The following ASAP1 variants were observed in gnomAD, a reference collection of about 807,000 sequenced individuals.
The protein encoded by ASAP1 is arf-GAP with SH3 domain, ANK repeat and PH domain-containing protein 1.
A neutral mutation model predicts 145.2 loss-of-function variants in ASAP1; 43 were observed. The ratio of observed to expected loss-of-function variants is 0.30; its 90% CI spans 0.23 to 0.38. The LOEUF is 0.38. Ranked by LOEUF, ASAP1 falls within the 10% of genes least tolerant of loss-of-function variation. The pLI, the probability that ASAP1 is intolerant of heterozygous loss-of-function variation, is 1.00. For missense variants in ASAP1, 1,018 were observed against 1,355.3 expected, an observed-to-expected ratio of 0.75 and a Z score of 3.91; for synonymous variants, 546 against 515.5, an observed-to-expected ratio of 1.06 and a Z score of -0.80.
intron 3 of ASAP1, among the ~76,000 whole-genome samples, chr8:130,285,702 G>C (rs926833375): frequency 6.6e-6 from 1 of 152,146 alleles, no homozygotes; most frequent in African/African-American, 2.4e-5. Flanking sequence ...AATTTAGCTG[G>C]AATAAGGCTG....
intron 3 of ASAP1, among the ~76,000 whole-genome samples, chr8:130,242,283 AC>A (rs371469024): frequency 0.018 from 2,226 of 122,492 alleles, 27 homozygotes; most frequent in South Asian, 0.045. Flanking sequence ...AAAAAAAAAA[AC>A]AACTTTTTTT....
In ASAP1 at chr8:130,401,896, T is replaced by G; in HGVS notation, c.48A>C (p.Ser16=). 6.2e-7 allele frequency: 1 copy of G among 1,613,652 alleles called. No homozygotes were observed. The highest frequency in any genetic ancestry group is 8.5e-7 in the Non-Finnish European group (1 of 1,179,900). Residue 16 remains serine (S), a synonymous_variant, in exon 2 of 30, where the codon TCA becomes TCC. Coordinates refer to ENST00000518721, the MANE Select transcript of ASAP1 (RefSeq NM_018482.4). ...SRLSSFSSRD[S]LWNRMPDQIS... ...TAGAGATCACTCACCGATTCCATAG[T>G]GAATCTCTCGACGAAAAACTGGAGA...
intron 29 of ASAP1, among the ~76,000 whole-genome samples, chr8:130,056,639 GA>G (rs1317297737): frequency 1.3e-5 from 2 of 152,232 alleles, no homozygotes; most frequent in East Asian, 3.9e-4. Flanking sequence ...CCTGAAGGAA[GA>G]AAAGTCAAAG....
In ASAP1 at chr8:130,214,709, CAAAA is replaced by C; in HGVS notation, c.260-12_260-9del. On this transcript the variant is annotated splice_polypyrimidine_tract_variant and intron_variant, in intron 4 of 29. Coordinates refer to ENST00000518721, the MANE Select transcript of ASAP1 (RefSeq NM_018482.4). ...CTTCATTTTGTACATGATCTAAAAA[CAAAA>C]AAGAAGAAGAAAGGAGTCTGAACTA... 1 of 1,568,684 alleles carries C rather than the reference CAAAA, an allele frequency of 6.4e-7. No homozygotes were observed. The highest frequency in any genetic ancestry group is 1.2e-5 in the South Asian group (1 of 84,156).
chr8:130,063,099 A>AG (rs2097422815), intron 27 of ASAP1, among the ~76,000 whole-genome samples: 1 of 152,316 alleles, frequency 6.6e-6, no homozygotes. Flanking sequence ...AGAAGAGCAG[A>AG]GAAAAAAAAG....
chr8:130,324,655 C>T (rs370611434), intron 3 of ASAP1, among the ~76,000 whole-genome samples: 2 of 152,226 alleles, frequency 1.3e-5, no homozygotes, highest in African/African-American at 2.4e-5. Context: ...AAGCATAATT[C>T]GTAAAATCCA....
At chr8:130,149,451 T>C (rs2097640981) in intron 13 of ASAP1, among the ~76,000 whole-genome samples, 1 of 152,054 alleles carries the variant, frequency 6.6e-6, no homozygotes, top group Non-Finnish European at 1.5e-5. Context: ...TACACAGAAA[T>C]GTATTTCTCT....
At chr8:130,351,794 C>T (rs1826012056) in intron 3 of ASAP1, among the ~76,000 whole-genome samples, 1 of 152,218 alleles carries the variant, frequency 6.6e-6, no homozygotes, top group Admixed American at 6.5e-5. Flanking sequence ...CACCAAGCCC[C>T]ACCTCCGACA....
intron 3 of ASAP1, among the ~76,000 whole-genome samples, chr8:130,336,325 G>GC (rs950958577): frequency 1.4e-4 from 21 of 152,182 alleles, no homozygotes; most frequent in African/African-American, 5.1e-4. Context: ...TATTCCTAGT[G>GC]TGGTCAGTGA....
At chr8:130,064,892 AATGT>A (rs1008380464) in intron 27 of ASAP1, among the ~76,000 whole-genome samples, 2 of 105,938 alleles carry the variant, frequency 1.9e-5, no homozygotes, top group African/African-American at 7.9e-5. Flanking sequence ...GTTTACTAAG[AATGT>A]GTGTGTGTGT....
intron 3 of ASAP1, among the ~76,000 whole-genome samples, chr8:130,313,616 T>C (rs1179136063): frequency 1.3e-5 from 2 of 152,156 alleles, no homozygotes; most frequent in Admixed American, 6.5e-5. Flanking sequence ...GTGGAACACA[T>C]AATCAACGTC....
chr8:130,079,885 G>C lies in ASAP1; in HGVS notation c.2642+17C>G. The C allele has an allele frequency of 6.2e-7, 1 of 1,611,312 alleles. No individual in the cohort carries two copies. Among genetic ancestry groups the C allele is most frequent in the Non-Finnish European group, 8.5e-7 (1 of 1,177,416 alleles). On this transcript the variant is annotated intron_variant, in intron 26 of 29. Transcript: ENST00000518721. ...CAATGGATCCAACAGGGGAAATGAAGCGCTGAGATGGCTTACCTCGACTGC... is the reference window on the plus strand; with the variant it reads ...CAATGGATCCAACAGGGGAAATGAACCGCTGAGATGGCTTACCTCGACTGC...
chr8:130,248,489 A>T (rs889642184), intron 3 of ASAP1, among the ~76,000 whole-genome samples: 27 of 152,142 alleles, frequency 1.8e-4, no homozygotes, highest in African/African-American at 6.3e-4. Flanking sequence ...ATACACTGGG[A>T]CCCATCACAC....
intron 3 of ASAP1, among the ~76,000 whole-genome samples, chr8:130,322,993 A>C (rs975893933): frequency 1.3e-5 from 2 of 152,254 alleles, no homozygotes; most frequent in Non-Finnish European, 2.9e-5. Flanking sequence ...CATTTGTGGA[A>C]TCAAACTGGA....
At chr8:130,169,135 G>C (rs1025973887) in intron 9 of ASAP1, 68 bp from the exon 10 acceptor site, 4 of 1,003,806 alleles carry the variant, frequency 4.0e-6, no homozygotes, top group Middle Eastern at 2.2e-4. Context: ...TCCTTATGTG[G>C]AAATAAAAAA....
intron 3 of ASAP1, among the ~76,000 whole-genome samples, chr8:130,282,663 C>A (rs1230844442): frequency 6.6e-6 from 1 of 152,158 alleles, no homozygotes; most frequent in East Asian, 1.9e-4. Flanking sequence ...ACTGATTTGG[C>A]AATTACCCAA....
chr8:130,182,760 T>C (rs1814441352), intron 7 of ASAP1, among the ~76,000 whole-genome samples: 1 of 149,722 alleles, frequency 6.7e-6, no homozygotes, highest in Non-Finnish European at 1.5e-5. Context: ...ATAAAACATT[T>C]TACAAAATGT....
At position 130,348,696 on chromosome 8, in the gene ASAP1, A is replaced by T. The variant is rs1825830751; in HGVS notation, c.186+9321T>A. Among the ~76,000 whole-genome samples, 3 of 152,138 alleles carry T rather than the reference A, an allele frequency of 2.0e-5. 1 individual carries two copies. The South Asian group carries it at 6.2e-4, about 32-fold the overall frequency. Reference sequence around the variant, plus strand: ...CACAGAAATGAAAATTCAAGGAGAGATCTCTTTTGCTTTAAGGCTCCTGCC... The same window carrying T: ...CACAGAAATGAAAATTCAAGGAGAGTTCTCTTTTGCTTTAAGGCTCCTGCC... On this transcript the variant is annotated intron_variant, in intron 3 of 29. Transcript: ENST00000518721.
chr8:130,198,073 GT>G (rs1194207096), intron 5 of ASAP1, among the ~76,000 whole-genome samples: 1 of 151,932 alleles, frequency 6.6e-6, no homozygotes, highest in Non-Finnish European at 1.5e-5. Context: ...GAGGCTAGGG[GT>G]TTGGCACAAC....
Sources: allele counts gnomAD v4.1 joint callset (sites outside exome capture counted in the v4.1 genomes callset), GRCh38; gene constraint gnomAD v4.1.1; transcripts MANE v1.5; gene names NCBI Gene and HGNC (gene_info 2026-07-23, HGNC 2026-07-21).